Variants in ASTN2 observed in about 807,000 individuals in gnomAD.
The protein encoded by ASTN2 is astrotactin 2.
In ASTN2, 54 loss-of-function variants were observed where a neutral mutation model predicts 139.8. The ratio of observed to expected loss-of-function variants is 0.39; its 90% CI spans 0.31 to 0.48. ASTN2 has a LOEUF of 0.48. ASTN2 is among the 20% of genes least tolerant of loss of function. ASTN2 has a pLI of 0.95. For missense variants in ASTN2, 1,565 were observed against 1,725.1 expected (o/e 0.91, Z 1.64); for synonymous variants, 756 against 719.5 (o/e 1.05, Z -0.81).
intron 19 of ASTN2, among the ~76,000 whole-genome samples, chr9:116,573,987 G>A (rs1171843520): frequency 6.6e-6 from 1 of 152,178 alleles, no homozygotes; most frequent in Non-Finnish European, 1.5e-5. Context: ...AAGTGGCATT[G>A]TACATCCAAG....
chr9:117,005,821 T>G (rs1363323434), intron 7 of ASTN2, among the ~76,000 whole-genome samples: 1 of 152,120 alleles, frequency 6.6e-6, no homozygotes, highest in Non-Finnish European at 1.5e-5. Context: ...GACAGAAGAT[T>G]GCCTTCCTGA....
chr9:117,206,820 A>G (rs553978202), intron 3 of ASTN2, among the ~76,000 whole-genome samples: 1,781 of 152,260 alleles, frequency 0.012, 17 homozygotes, highest in Non-Finnish European at 0.021. Context: ...TGAGCCTCCA[A>G]GCAGCTGATA....
intron 6 of ASTN2, among the ~76,000 whole-genome samples, chr9:117,030,288 C>A (rs191830365): frequency 6.6e-6 from 1 of 152,278 alleles, no homozygotes; most frequent in Non-Finnish European, 1.5e-5. Context: ...TCTCTCTTTC[C>A]GTTCTAAAAG....
intron 17 of ASTN2, among the ~76,000 whole-genome samples, chr9:116,628,045 C>T (rs1356673727): frequency 1.3e-5 from 2 of 152,152 alleles, no homozygotes; most frequent in Admixed American, 1.3e-4. Flanking sequence ...AAATATAAAG[C>T]CTCCATATAA....
intron 16 of ASTN2, among the ~76,000 whole-genome samples, chr9:116,672,000 C>A (rs975082987): frequency 1.3e-5 from 2 of 151,988 alleles, no homozygotes; most frequent in Non-Finnish European, 2.9e-5. Context: ...TGTGTTGTTT[C>A]GAGTGGCAAA....
chr9:116,501,827 G>C (rs893324224), intron 19 of ASTN2, among the ~76,000 whole-genome samples: 15 of 151,346 alleles, frequency 9.9e-5, no homozygotes, highest in African/African-American at 3.7e-4. Flanking sequence ...CATTGTGCAC[G>C]CGTACCCTAA....
chr9:116,750,174 G>A lies in ASTN2; in HGVS notation c.2397-16651C>T, dbSNP rs183085867. 7.9e-5 allele frequency among the ~76,000 whole-genome samples: 12 copies of A among 152,128 alleles called. No homozygotes were observed. In the East Asian group the frequency reaches 1.2e-3, roughly 15 times the overall value. On this transcript the variant is annotated intron_variant, in intron 13 of 22. Coordinates refer to ENST00000313400, the MANE Select transcript of ASTN2 (RefSeq NM_001365068.1). The stretch of plus-strand genomic sequence containing the variant: ...GGACAGCAAATTAAAGAAAAATAAC[G>A]TTTAAAAACTCTTAAAGCAAAAGAT...
Position 116,586,837 on chromosome 9 carries a change from C to CACACACACACACACAT in ASTN2, c.3355+31486_3355+31487insATGTGTGTGTGTGTGT, listed in dbSNP as rs1554717133. Among the ~76,000 whole-genome samples the CACACACACACACACAT allele has an allele frequency of 2.3e-3, 344 of 149,306 alleles. 1 individual carries two copies. The highest frequency in any genetic ancestry group is 8.3e-3 in the African/African-American group (338 of 40,516). On this transcript the variant is annotated intron_variant, in intron 19 of 22. Transcript: ENST00000313400. ...TCACACACACACACATACATACACA[C>CACACACACACACACAT]ACACACACACACACACACACACACG... is the stretch of plus-strand genomic sequence containing the variant.
chr9:116,545,352 C>T (rs939948019), intron 19 of ASTN2, among the ~76,000 whole-genome samples: 3 of 152,176 alleles, frequency 2.0e-5, no homozygotes, highest in Non-Finnish European at 4.4e-5. Context: ...CACATGTACC[C>T]ACCATTCTAT....
chr9:116,533,567 T>A (rs551010626), intron 19 of ASTN2, among the ~76,000 whole-genome samples: 1 of 152,224 alleles, frequency 6.6e-6, no homozygotes, highest in Non-Finnish European at 1.5e-5. Flanking sequence ...TTTTTTAGCA[T>A]GAAGCGCTGT....
intron 1 of ASTN2, among the ~76,000 whole-genome samples, chr9:117,342,228 A>G (rs948844950): frequency 6.6e-6 from 1 of 152,206 alleles, no homozygotes; most frequent in African/African-American, 2.4e-5. Flanking sequence ...GAGAACCCAC[A>G]TGCTAAAATG....
At chr9:116,816,896 A>AAAATAAAT (rs10525804) in intron 12 of ASTN2, among the ~76,000 whole-genome samples, 1,633 of 148,222 alleles carry the variant, frequency 0.011, 18 homozygotes, top group Non-Finnish European at 0.015. Context: ...GGTAGAAATG[A>AAAATAAAT]AAATAAATAA....
At chr9:116,763,620 G>T (rs1400454373) in intron 13 of ASTN2, among the ~76,000 whole-genome samples, 1 of 152,180 alleles carries the variant, frequency 6.6e-6, no homozygotes, top group Non-Finnish European at 1.5e-5. Flanking sequence ...AGACCTGGAT[G>T]TTCATCCTAA....
At chr9:116,442,630 A>T (rs1010458535) in intron 20 of ASTN2, 77 bp from the exon 21 acceptor site, 3 of 1,141,498 alleles carry the variant, frequency 2.6e-6, no homozygotes, top group Non-Finnish European at 4.0e-6. Context: ...AAGAACAGAG[A>T]GTCATGGCAC....
chr9:116,745,650 A>ACTCCC (rs1716127217), intron 13 of ASTN2, among the ~76,000 whole-genome samples: 1 of 152,156 alleles, frequency 6.6e-6, no homozygotes, highest in Non-Finnish European at 1.5e-5. Context: ...TTTGGTATAG[A>ACTCCC]CACAGTCCCT....
chr9:117,323,025 G>T (rs999842580), intron 1 of ASTN2, among the ~76,000 whole-genome samples: 3 of 151,950 alleles, frequency 2.0e-5, no homozygotes, highest in Non-Finnish European at 4.4e-5. Flanking sequence ...AAATACTACG[G>T]TATTCCAATT....
At chr9:116,642,362 C>G (rs1028287204) in intron 17 of ASTN2, among the ~76,000 whole-genome samples, 9 of 151,938 alleles carry the variant, frequency 5.9e-5, no homozygotes, top group African/African-American at 2.2e-4. Flanking sequence ...TATTTCATGT[C>G]TCTCTCACAC....
chr9:117,393,513 G>T (rs1304698945), intron 1 of ASTN2, among the ~76,000 whole-genome samples: 1 of 152,330 alleles, frequency 6.6e-6, no homozygotes, highest in African/African-American at 2.4e-5. Context: ...CAAGGAATGA[G>T]ACAAGGATGG....
intron 1 of ASTN2, among the ~76,000 whole-genome samples, chr9:117,319,380 G>A (rs1382839571): frequency 6.6e-6 from 1 of 152,102 alleles, no homozygotes; most frequent in Non-Finnish European, 1.5e-5. Context: ...TGACTCAACT[G>A]TAAAATGGGG....
Sources: gnomAD v4.1 joint callset for allele counts (sites outside exome capture counted in the v4.1 genomes callset) on GRCh38, gnomAD v4.1.1 for gene constraint, MANE v1.5 for transcripts, NCBI Gene and HGNC (gene_info 2026-07-23, HGNC 2026-07-21) for gene names.